Variants in COPS2 observed in about 807,000 individuals in gnomAD.
COPS2 encodes the protein COP9 signalosome complex subunit 2.
A neutral mutation model predicts 66.1 loss-of-function variants in COPS2; 10 were observed. That is an observed-to-expected ratio of 0.15 (90% confidence interval 0.09 to 0.26). The LOEUF (loss-of-function observed/expected upper bound fraction) is 0.26. Ranked by LOEUF, COPS2 falls within the 10% of genes least tolerant of loss-of-function variation. The pLI is 1.00. For missense variants in COPS2, 215 were observed against 513.3 expected, an observed-to-expected ratio of 0.42 and a Z score of 5.62; for synonymous variants, 179 against 171.3, an observed-to-expected ratio of 1.04 and a Z score of -0.35.
intron 3 of COPS2, among the ~76,000 whole-genome samples, chr15:49,144,022 G>A (rs1312462046): frequency 6.7e-6 from 1 of 150,216 alleles, no homozygotes; most frequent in Admixed American, 6.6e-5. Flanking sequence ...AAAAGAGTAA[G>A]TTTTCTTAAA....
At chr15:49,153,392 A>T (rs1207190869) in intron 1 of COPS2, among the ~76,000 whole-genome samples, 2 of 152,202 alleles carry the variant, frequency 1.3e-5, no homozygotes, top group Non-Finnish European at 2.9e-5. Flanking sequence ...ATTAATCAAA[A>T]AGACAAAAAA....
intron 6 of COPS2, 94 bp from the exon 7 acceptor site, chr15:49,134,608 T>C: frequency 9.8e-7 from 1 of 1,021,570 alleles, no homozygotes; most frequent in Non-Finnish European, 1.4e-6. Flanking sequence ...ATAATACTAT[T>C]TCCATGTGAA....
At chr15:49,130,679 C>CA in intron 10 of COPS2, 40 bp downstream of exon 10, 2 of 1,242,972 alleles carry the variant, frequency 1.6e-6, no homozygotes, top group Non-Finnish European at 2.3e-6. Flanking sequence ...TTGACAGTGG[C>CA]AAAGAAAGTA....
intron 8 of COPS2, 35 bp downstream of exon 8, chr15:49,133,895 C>A: frequency 6.4e-7 from 1 of 1,562,630 alleles, no homozygotes; most frequent in Non-Finnish European, 8.7e-7. Flanking sequence ...TTCCAGATAG[C>A]TGATAAGAGA....
intron 4 of COPS2, among the ~76,000 whole-genome samples, chr15:49,138,192 C>T (rs904076083): frequency 6.6e-6 from 1 of 152,166 alleles, no homozygotes; most frequent in African/African-American, 2.4e-5. Context: ...ATTTGTTTTA[C>T]ATCTTGTTAA....
At chr15:49,137,677 A>G (rs1212470792) in intron 4 of COPS2, 1 of 425,426 alleles carries the variant, frequency 2.4e-6, no homozygotes, top group Non-Finnish European at 4.2e-6. Context: ...CCATATAAAC[A>G]TAGTGCTGTA....
intron 3 of COPS2, among the ~76,000 whole-genome samples, chr15:49,143,726 C>CCT (rs2084303125): frequency 6.6e-6 from 1 of 152,168 alleles, no homozygotes; most frequent in Admixed American, 6.5e-5. Flanking sequence ...GTGGCTCACG[C>CCT]CTGTAATCCT....
chr15:49,128,817 C>G, intron 11 of COPS2, 57 bp from the exon 12 acceptor site: 1 of 1,096,234 alleles, frequency 9.1e-7, no homozygotes, highest in Non-Finnish European at 1.4e-6. Context: ...CATAATTTTA[C>G]ACAATCATTC....
chr15:49,122,777 T>TAA lies in COPS2; in HGVS notation c.*5171_*5172dup, dbSNP rs1228767228. On this transcript the variant is annotated 3_prime_UTR_variant, in exon 13 of 13. Transcript: ENST00000388901. ...TAAGGAATGTGCACTTCCAGATAAATAAAAAAACCCTTGAGTATTTAAGCC... is the reference window on the plus strand; with the variant it reads ...TAAGGAATGTGCACTTCCAGATAAATAAAAAAAAACCCTTGAGTATTTAAGCC... 2 of 152,058 alleles carry TAA rather than the reference T, an allele frequency of 1.3e-5. No individual in the cohort carries two copies. The highest frequency in any genetic ancestry group is 3.8e-4 in the East Asian group (2 of 5,198). 9.4% of individuals were successfully genotyped at this position (152,058 alleles called of 1,614,324 possible). A position where few individuals can be genotyped will look rare whatever the true frequency, so the allele number is the denominator to read the frequency against.
chr15:49,154,890 C>T (rs534669179), intron 1 of COPS2, among the ~76,000 whole-genome samples: 7 of 152,306 alleles, frequency 4.6e-5, no homozygotes. Context: ...AAAACCTCCT[C>T]CCCAGCTTTT....
chr15:49,133,321 T>A (rs1264343062), intron 9 of COPS2, among the ~76,000 whole-genome samples: 2 of 152,220 alleles, frequency 1.3e-5, no homozygotes, highest in African/African-American at 4.8e-5. Context: ...AATACTTTCA[T>A]CTTGTCATTG....
intron 1 of COPS2, among the ~76,000 whole-genome samples, chr15:49,147,552 T>A (rs1429758430): frequency 6.6e-6 from 1 of 152,068 alleles, no homozygotes; most frequent in Non-Finnish European, 1.5e-5. Context: ...ATCTGGAAAT[T>A]ACTGAACCAA....
chr15:49,129,568 CA>C lies in COPS2; in HGVS notation c.1046-10del. The C allele has an allele frequency of 3.5e-6, 5 of 1,422,282 alleles. No individual in the cohort carries two copies. Among genetic ancestry groups the C allele is most frequent in the Non-Finnish European group, 3.8e-6 (4 of 1,061,800 alleles). 88.1% of individuals were successfully genotyped at this position (1,422,282 alleles called of 1,614,324 possible). A position where few individuals can be genotyped will look rare whatever the true frequency, so the allele number is the denominator to read the frequency against. On this transcript the variant is annotated splice_polypyrimidine_tract_variant and intron_variant, in intron 10 of 12. Coordinates refer to ENST00000388901, the MANE Select transcript of COPS2 (RefSeq NM_004236.4). ...GATGTTTCGCAAAAGCTCTGAAAGACAAAAAATTAAAATAACATTTTATTTA... is the reference window on the plus strand; with the variant it reads ...GATGTTTCGCAAAAGCTCTGAAAGACAAAAATTAAAATAACATTTTATTTA...
intron 9 of COPS2, 118 bp from the exon 10 acceptor site, chr15:49,130,934 T>C (rs1353160549): frequency 1.2e-5 from 6 of 482,232 alleles, no homozygotes; most frequent in Non-Finnish European, 3.7e-6. Flanking sequence ...AATATTATAC[T>C]TTCTGTCATG....
chr15:49,139,213 A>C lies in COPS2; in HGVS notation c.372+315T>G, dbSNP rs920927001. On this transcript the variant is annotated intron_variant, in intron 4 of 12. Transcript: ENST00000388901. Reference sequence around the variant, plus strand: ...ATTTAACACCTCAGAATGGCTAGCTAAAGTGTTAATGTAGTTTATTAGAAG... The same window carrying C: ...ATTTAACACCTCAGAATGGCTAGCTCAAGTGTTAATGTAGTTTATTAGAAG... 3 of 199,428 alleles carry C rather than the reference A, an allele frequency of 1.5e-5. No individual in the cohort carries two copies. The Admixed American group carries it at 1.8e-4, about 12-fold the overall frequency. The allele number at this position is 199,428 out of a possible 1,614,324, so 12.4% of individuals were successfully genotyped here.
At position 49,123,229 on chromosome 15, in the gene COPS2, G is replaced by A. The variant is rs1172107922; in HGVS notation, c.*4721C>T. The A allele has an allele frequency of 1.3e-5, 2 of 152,078 alleles. No homozygotes were observed. Among genetic ancestry groups the A allele is most frequent in the African/African-American group, 4.8e-5 (2 of 41,418 alleles). The allele number at this position is 152,078 out of a possible 1,614,324, so 9.4% of individuals were successfully genotyped here. On this transcript the variant is annotated 3_prime_UTR_variant, in exon 13 of 13. Coordinates refer to ENST00000388901, the MANE Select transcript of COPS2 (RefSeq NM_004236.4). Reference sequence around the variant, plus strand: ...ATGCCAAAACTTTTGACAACTTCATGGGATGACGCTAGAGATTACTTTTTC... The same window carrying A: ...ATGCCAAAACTTTTGACAACTTCATAGGATGACGCTAGAGATTACTTTTTC...
At chr15:49,151,896 A>T (rs188120278) in intron 1 of COPS2, among the ~76,000 whole-genome samples, 20 of 151,706 alleles carry the variant, frequency 1.3e-4, no homozygotes, top group African/African-American at 4.1e-4. Context: ...AAAACAGTAC[A>T]GTTTTAGAAA....
chr15:49,130,133 G>C (rs2084197572), intron 10 of COPS2, among the ~76,000 whole-genome samples: 1 of 152,120 alleles, frequency 6.6e-6, no homozygotes, highest in African/African-American at 2.4e-5. Flanking sequence ...CATTACTTCT[G>C]ATGCATCTGA....
At chr15:49,140,508 A>G (rs1268151059) in intron 3 of COPS2, among the ~76,000 whole-genome samples, 1 of 152,094 alleles carries the variant, frequency 6.6e-6, no homozygotes, top group African/African-American at 2.4e-5. Context: ...CCCCCCATCT[A>G]AGGTTCTATT....
Sources: allele counts gnomAD v4.1 joint callset (sites outside exome capture counted in the v4.1 genomes callset), GRCh38; gene constraint gnomAD v4.1.1; transcripts MANE v1.5; gene names NCBI Gene and HGNC (gene_info 2026-07-23, HGNC 2026-07-21).